TMEM163: variants seen among roughly 807,000 people sequenced by gnomAD.
The protein encoded by TMEM163 is transmembrane protein 163.
TMEM163 carries 17 observed loss-of-function variants against 29.3 expected under a neutral mutation model. The observed-to-expected ratio is 0.58, with a 90% CI of 0.40 to 0.87. The LOEUF is 0.87. Ranked by LOEUF, TMEM163 falls within the 40% of genes least tolerant of loss-of-function variation. TMEM163 has a pLI of 0.00. For missense variants in TMEM163, 303 were observed against 381.5 expected, an observed-to-expected ratio of 0.79 and a Z score of 1.71; for synonymous variants, 157 against 160.6, an observed-to-expected ratio of 0.98 and a Z score of 0.17.
chr2:134,604,523 G>A (rs1429490547), intron 2 of TMEM163, among the ~76,000 whole-genome samples: 1 of 151,734 alleles, frequency 6.6e-6, no homozygotes, highest in Admixed American at 6.6e-5. Flanking sequence ...GGTCTGAAAG[G>A]TCATTTCCCA....
At chr2:134,517,933 TAC>T (rs1558930937) in intron 4 of TMEM163, among the ~76,000 whole-genome samples, 1 of 148,496 alleles carries the variant, frequency 6.7e-6, no homozygotes, top group Non-Finnish European at 1.5e-5. Context: ...CATATATCAC[TAC>T]AGAGTTGTCA....
chr2:134,489,357 A>C (rs1232084722), intron 5 of TMEM163, among the ~76,000 whole-genome samples: 1 of 151,922 alleles, frequency 6.6e-6, no homozygotes, highest in African/African-American at 2.4e-5. Flanking sequence ...AGGCGGGTGG[A>C]TCATGAGGTT....
At chr2:134,487,628 A>C (rs1679342486) in intron 5 of TMEM163, among the ~76,000 whole-genome samples, 2 of 152,242 alleles carry the variant, frequency 1.3e-5, no homozygotes, top group Non-Finnish European at 2.9e-5. Context: ...ATGGTGACCA[A>C]ACATTAAGAC....
intron 2 of TMEM163, among the ~76,000 whole-genome samples, chr2:134,559,273 G>A (rs1035861585): frequency 2.6e-5 from 4 of 152,084 alleles, no homozygotes; most frequent in Non-Finnish European, 5.9e-5. Context: ...GGCCCCGTAA[G>A]GCTTGAGTAT....
At chr2:134,586,651 G>C (rs1681829679) in intron 2 of TMEM163, among the ~76,000 whole-genome samples, 1 of 152,102 alleles carries the variant, frequency 6.6e-6, no homozygotes, top group Admixed American at 6.5e-5. Context: ...AATTTTGGAG[G>C]GACACAATTC....
At chr2:134,544,264 G>A (rs536847795) in intron 4 of TMEM163, among the ~76,000 whole-genome samples, 7 of 152,150 alleles carry the variant, frequency 4.6e-5, no homozygotes, top group African/African-American at 7.2e-5. Flanking sequence ...CATGTCATTC[G>A]GCCCTGCCAA....
At chr2:134,512,424 A>G (rs964144569) in intron 4 of TMEM163, among the ~76,000 whole-genome samples, 3 of 152,170 alleles carry the variant, frequency 2.0e-5, no homozygotes. Flanking sequence ...GCACCCCTGC[A>G]CTCTAGCCTG....
intron 4 of TMEM163, among the ~76,000 whole-genome samples, chr2:134,505,090 A>G (rs1353181471): frequency 1.3e-5 from 2 of 152,088 alleles, no homozygotes; most frequent in East Asian, 3.9e-4. Context: ...CCTCCAAGGT[A>G]AGTTTCGCAA....
chr2:134,464,927 A>G (rs936333659), intron 6 of TMEM163, among the ~76,000 whole-genome samples: 13 of 152,168 alleles, frequency 8.5e-5, no homozygotes, highest in African/African-American at 3.1e-4. Context: ...CAAGGAGCCC[A>G]TGCCATGTCA....
chr2:134,647,919 C>A (rs967061456), intron 2 of TMEM163, among the ~76,000 whole-genome samples: 1 of 152,186 alleles, frequency 6.6e-6, no homozygotes, highest in Non-Finnish European at 1.5e-5. Context: ...GGAGGGTGCC[C>A]ACGACCCCTG....
chr2:134,490,199 T>A (rs552443763), intron 5 of TMEM163, among the ~76,000 whole-genome samples: 1 of 152,114 alleles, frequency 6.6e-6, no homozygotes, highest in East Asian at 1.9e-4. Flanking sequence ...GGGTGATGTT[T>A]GGGGCATTCA....
intron 6 of TMEM163, among the ~76,000 whole-genome samples, chr2:134,465,198 A>AAAAAAAAAAAAAAAC (rs1352256515): frequency 3.5e-5 from 5 of 144,352 alleles, no homozygotes; most frequent in African/African-American, 1.4e-4. Flanking sequence ...TTAAAAAAAA[A>AAAAAAAAAAAAAAAC]AAAAACAAAA....
chr2:134,644,674 A>C (rs1401927283), intron 2 of TMEM163, among the ~76,000 whole-genome samples: 1 of 152,206 alleles, frequency 6.6e-6, no homozygotes, highest in African/African-American at 2.4e-5. Context: ...TTTTAGAAAA[A>C]ACATAGGAGA....
intron 2 of TMEM163, among the ~76,000 whole-genome samples, chr2:134,693,960 T>C (rs1361920125): frequency 6.6e-6 from 1 of 152,174 alleles, no homozygotes; most frequent in Admixed American, 6.5e-5. Flanking sequence ...GGTCCCATGG[T>C]TGAGAGTAGA....
intron 2 of TMEM163, among the ~76,000 whole-genome samples, chr2:134,683,852 G>T (rs1417709533): frequency 1.4e-5 from 2 of 147,834 alleles, no homozygotes; most frequent in African/African-American, 5.4e-5. Flanking sequence ...CAACACCAAG[G>T]TCATCATTGG....
Position 134,516,623 on chromosome 2 carries a change from AT to A in TMEM163, c.459-13627del, listed in dbSNP as rs70973455. ...TATATATGTTCATAAATATTCATAT[AT>A]TTTTATATATATTCATACTTATATT... On this transcript the variant is annotated intron_variant, in intron 4 of 7. Transcript: ENST00000281924. Among the ~76,000 whole-genome samples the A allele has an allele frequency of 6.4e-3, 941 of 148,172 alleles. 12 individuals carry two copies. Among genetic ancestry groups the A allele is most frequent in the Non-Finnish European group, 7.9e-3 (533 of 67,264 alleles).
chr2:134,531,995 TGAAGATTCTAA>T (rs1680426120), intron 4 of TMEM163, among the ~76,000 whole-genome samples: 1 of 152,202 alleles, frequency 6.6e-6, no homozygotes, highest in Non-Finnish European at 1.5e-5. Context: ...GACACAATTT[TGAAGATTCTAA>T]GAATTTTAGG....
chr2:134,479,715 T>C (rs1687003948), intron 5 of TMEM163, among the ~76,000 whole-genome samples: 1 of 152,118 alleles, frequency 6.6e-6, no homozygotes, highest in Non-Finnish European at 1.5e-5. Context: ...TTCAGGCTTG[T>C]AAAAATGAGG....
At chr2:134,718,691 C>T in intron 1 of TMEM163, 43 bp downstream of exon 1, 1 of 1,124,266 alleles carries the variant, frequency 8.9e-7, no homozygotes, top group Non-Finnish European at 1.1e-6. Flanking sequence ...GGGCCCCGAG[C>T]AGCCACCCCG....
Sources: allele counts gnomAD v4.1 joint callset (sites outside exome capture counted in the v4.1 genomes callset), GRCh38; gene constraint gnomAD v4.1.1; transcripts MANE v1.5; gene names NCBI Gene and HGNC (gene_info 2026-07-23, HGNC 2026-07-21).